CCDC171: variants seen among roughly 807,000 people sequenced by gnomAD.
CCDC171 encodes the protein coiled-coil domain containing 171.
In CCDC171, 177 loss-of-function variants were observed where a neutral mutation model predicts 168.2. That is an observed-to-expected ratio of 1.05 (90% CI 0.93 to 1.19). The LOEUF is 1.19. Ranked by LOEUF, CCDC171 falls within the 50% of genes most tolerant of loss-of-function variation. The probability of loss-of-function intolerance (pLI) is 0.00; values close to 1 mark genes in which losing one functional copy is unlikely to be tolerated. For synonymous variants in CCDC171, 687 were observed against 540.8 expected, an observed-to-expected ratio of 1.27 and a Z score of -3.75; for missense variants, 1,991 against 1,539.0, an observed-to-expected ratio of 1.29 and a Z score of -4.91.
chr9:15,663,148 GC>G (rs1212226878), intron 8 of CCDC171, among the ~76,000 whole-genome samples: 3 of 152,146 alleles, frequency 2.0e-5, no homozygotes, highest in Non-Finnish European at 2.9e-5. Context: ...GCCCAAAGTC[GC>G]ATTAGTTAAT....
At chr9:15,808,498 T>A (rs1490290402) in intron 21 of CCDC171, among the ~76,000 whole-genome samples, 1 of 152,006 alleles carries the variant, frequency 6.6e-6, no homozygotes, top group Non-Finnish European at 1.5e-5. Flanking sequence ...AAAAGAGAAG[T>A]GAAGAAGGGA....
At chr9:15,593,029 C>CA (rs1281432075) in intron 5 of CCDC171, among the ~76,000 whole-genome samples, 2 of 151,962 alleles carry the variant, frequency 1.3e-5, no homozygotes, top group Non-Finnish European at 1.5e-5. Flanking sequence ...CCCACTCCCC[C>CA]ACCCCACAAC....
chr9:15,920,270 G>A lies in CCDC171; in HGVS notation c.3601G>A (p.Ala1201Thr). The change falls in exon 25 of 26, where the codon GCT (alanine) becomes ACT (threonine). Residue 1201 changes from alanine (A) to threonine (T), a missense_variant and splice_region_variant. Physicochemically the swap from Ala to Thr is moderately conservative, Grantham distance 58. Coordinates refer to ENST00000380701, the MANE Select transcript of CCDC171 (RefSeq NM_173550.4). Reference protein sequence around the residue: ...KGGPEVVACQAMIKSFMDVYQ... With the variant: ...KGGPEVVACQTMIKSFMDVYQ... ...TGTGACATTATTTTTATTTCTTAAG[G>A]CTATGATTAAAAGTTTCATGGATGT... 1 of 1,563,624 alleles carries A rather than the reference G, an allele frequency of 6.4e-7. No individual in the cohort carries two copies. The highest frequency in any genetic ancestry group is 1.2e-5 in the South Asian group (1 of 82,306).
chr9:15,779,516 C>T (rs1207267009), intron 20 of CCDC171, among the ~76,000 whole-genome samples: 7 of 152,158 alleles, frequency 4.6e-5, no homozygotes, highest in East Asian at 1.9e-4. Context: ...GCTGCCACCA[C>T]GCCTGGCTAA....
At chr9:16,106,235 A>T in the CCDC171 span, among the ~76,000 whole-genome samples, 1 of 152,220 alleles carries the variant, frequency 6.6e-6, no homozygotes, top group Non-Finnish European at 1.5e-5. Context: ...GCTTGGCATT[A>T]AGCAAACAAC....
intron 21 of CCDC171, among the ~76,000 whole-genome samples, chr9:15,789,259 T>C (rs973359413): frequency 1.3e-5 from 2 of 152,134 alleles, no homozygotes; most frequent in Non-Finnish European, 2.9e-5. Flanking sequence ...CCAGTAAGTA[T>C]ATAAATAATA....
In CCDC171 at chr9:15,874,547, T is replaced by C; in HGVS notation, c.3484T>C (p.Ser1162Pro). Residue 1162 changes from serine to proline, a missense_variant, in exon 24 of 26, where the codon TCG (serine) becomes CCG (proline). Physicochemically the swap from Ser to Pro is moderately conservative, Grantham distance 74. Transcript: ENST00000380701. ...NTLHKVRDQI[S>P]LSWSAASRND... ...TTCCCTTTAGGTCAGAGATCAGATC[T>C]CGCTGTCATGGTCTGCGGCAAGTAG... 1 of 1,604,214 alleles carries C rather than the reference T, an allele frequency of 6.2e-7. No homozygotes were observed. Among genetic ancestry groups the C allele is most frequent in the Admixed American group, 1.7e-5 (1 of 58,568 alleles).
intron 9 of CCDC171, among the ~76,000 whole-genome samples, chr9:15,678,128 C>G (rs988798539): frequency 6.6e-6 from 1 of 151,022 alleles, no homozygotes; most frequent in African/African-American, 2.4e-5. Context: ...CCAGGCTGGT[C>G]TTAAACTCCT....
At chr9:15,929,679 C>T (rs1382443305) in intron 25 of CCDC171, among the ~76,000 whole-genome samples, 5 of 151,802 alleles carry the variant, frequency 3.3e-5, no homozygotes, top group Admixed American at 6.6e-5. Context: ...TTGCAATGGT[C>T]TTCCAATAAG....
intron 25 of CCDC171, among the ~76,000 whole-genome samples, chr9:15,931,494 G>T (rs1826514433): frequency 2.1e-5 from 1 of 48,742 alleles, no homozygotes; most frequent in Non-Finnish European, 4.1e-5. Context: ...TGAGTTGTTT[G>T]AGTTCCTTAT....
chr9:15,954,318 T>C (rs1396433194), intron 25 of CCDC171, among the ~76,000 whole-genome samples: 2 of 152,116 alleles, frequency 1.3e-5, no homozygotes, highest in African/African-American at 4.8e-5. Flanking sequence ...TTTATAGCTA[T>C]AAATTTCCCC....
intron 25 of CCDC171, chr9:15,922,190 A>T: frequency 2.5e-6 from 1 of 398,324 alleles, no homozygotes; most frequent in Non-Finnish European, 5.3e-6. Context: ...ACATTCCCCC[A>T]GGTGATTCTG....
intron 15 of CCDC171, 92 bp from the exon 16 acceptor site, chr9:15,729,518 T>C (rs2054023208): frequency 5.9e-6 from 4 of 682,194 alleles, no homozygotes; most frequent in South Asian, 3.7e-5. Context: ...GAATAAAATA[T>C]AGTAGGACAT....
intron 11 of CCDC171, among the ~76,000 whole-genome samples, chr9:15,698,623 G>C (rs185041455): frequency 5.4e-4 from 82 of 151,892 alleles, no homozygotes; most frequent in African/African-American, 1.9e-3. Context: ...TGCTACAAAT[G>C]ACAGGGTTTC....
chr9:15,845,355 AGTTT>A (rs1451584262), intron 21 of CCDC171, among the ~76,000 whole-genome samples: 1 of 152,042 alleles, frequency 6.6e-6, no homozygotes, highest in African/African-American at 2.4e-5. Flanking sequence ...AAGTAGTCAT[AGTTT>A]GTTTAATTTT....
intron 18 of CCDC171, among the ~76,000 whole-genome samples, chr9:15,767,537 A>G (rs922926426): frequency 1.3e-5 from 2 of 152,126 alleles, no homozygotes; most frequent in Admixed American, 1.3e-4. Flanking sequence ...GTTGTGTAAC[A>G]TAACACAGTC....
intron 16 of CCDC171, among the ~76,000 whole-genome samples, chr9:15,734,348 C>T (rs1336997127): frequency 6.6e-6 from 1 of 152,092 alleles, no homozygotes; most frequent in Non-Finnish European, 1.5e-5. Flanking sequence ...ACCAACCTGA[C>T]CAACATGGAG....
chr9:15,958,025 T>C (rs1233533036), intron 25 of CCDC171, among the ~76,000 whole-genome samples: 1 of 152,176 alleles, frequency 6.6e-6, no homozygotes, highest in Non-Finnish European at 1.5e-5. Flanking sequence ...GAAATAAAAA[T>C]ATTTGCAGAA....
intron 22 of CCDC171, 141 bp downstream of exon 22, chr9:15,846,988 TC>T: frequency 3.0e-6 from 2 of 657,146 alleles, no homozygotes; most frequent in Non-Finnish European, 5.0e-6. Flanking sequence ...CTCTGATATA[TC>T]CTCAAAAAAG....
Sources: gnomAD v4.1 joint callset for allele counts (sites outside exome capture counted in the v4.1 genomes callset) on GRCh38, gnomAD v4.1.1 for gene constraint, MANE v1.5 for transcripts, NCBI Gene and HGNC (gene_info 2026-07-23, HGNC 2026-07-21) for gene names.